Variants in ELF2 observed in about 807,000 individuals in gnomAD.
The protein encoded by ELF2 is ETS-related transcription factor Elf-2.
A neutral mutation model predicts 54.8 loss-of-function variants in ELF2; 11 were observed. That is an observed-to-expected ratio of 0.20 (90% confidence interval 0.13 to 0.33). The LOEUF (loss-of-function observed/expected upper bound fraction) is 0.33. ELF2 is among the 10% of genes least tolerant of loss of function. ELF2 has a pLI of 1.00. For missense variants in ELF2, 513 were observed against 703.0 expected (o/e 0.73, Z 3.06); for synonymous variants, 203 against 245.1 (o/e 0.83, Z 1.61).
chr4:139,146,351 A>G (rs1374319326), intron 1 of ELF2, among the ~76,000 whole-genome samples: 1 of 152,232 alleles, frequency 6.6e-6, no homozygotes, highest in East Asian at 1.9e-4. Flanking sequence ...GAAGAACTAC[A>G]AACACTGATG....
At chr4:139,060,720 C>CA in intron 8 of ELF2, 46 bp from the exon 9 acceptor site, 1 of 1,458,010 alleles carries the variant, frequency 6.9e-7, no homozygotes, top group Non-Finnish European at 9.3e-7. Context: ...ATTATTTCTT[C>CA]ACCCCACTCC....
chr4:139,136,140 AT>A (rs1738128773), intron 3 of ELF2, among the ~76,000 whole-genome samples: 1 of 152,144 alleles, frequency 6.6e-6, no homozygotes, highest in Admixed American at 6.6e-5. Context: ...CAGTTCCCCA[AT>A]CCCTAATGTC....
At chr4:139,114,561 T>TCCAGTCTCA (rs70940492) in intron 4 of ELF2, among the ~76,000 whole-genome samples, 1,316 of 108,620 alleles carry the variant, frequency 0.012, 15 homozygotes, top group African/African-American at 0.017. Context: ...GACTTCAGTC[T>TCCAGTCTCA]CACACACACA....
intron 3 of ELF2, among the ~76,000 whole-genome samples, chr4:139,126,651 T>C (rs1736952579): frequency 6.6e-6 from 1 of 152,304 alleles, no homozygotes; most frequent in Non-Finnish European, 1.5e-5. Flanking sequence ...AGAAGGAAGA[T>C]GACAGTTGAG....
intron 1 of ELF2, among the ~76,000 whole-genome samples, chr4:139,156,579 C>CATACATG (rs942796073): frequency 6.6e-6 from 1 of 152,028 alleles, no homozygotes; most frequent in African/African-American, 2.4e-5. Context: ...ATCCAATTAA[C>CATACATG]ATACATGTTC....
intron 7 of ELF2, 180 bp downstream of exon 7, chr4:139,067,504 G>A (rs1560760678): frequency 3.5e-6 from 2 of 576,392 alleles, no homozygotes; most frequent in Non-Finnish European, 3.0e-6. Flanking sequence ...TGTAGGAACT[G>A]GGCACAGATA....
At chr4:139,115,398 C>T (rs1245103738) in intron 4 of ELF2, 32 of 1,004,966 alleles carry the variant, frequency 3.2e-5, no homozygotes, top group Non-Finnish European at 3.6e-5. Flanking sequence ...GCCACGTGCG[C>T]GCATCGGGCC....
At chr4:139,094,530 C>G (rs975382930) in intron 4 of ELF2, among the ~76,000 whole-genome samples, 2 of 152,034 alleles carry the variant, frequency 1.3e-5, no homozygotes, top group Admixed American at 1.3e-4. Flanking sequence ...GTTTGAGCAA[C>G]AAATAAGATA....
chr4:139,059,606 T>A lies in ELF2; in HGVS notation c.1159A>T (p.Thr387Ser), dbSNP rs1215272080. 6.2e-7 allele frequency: 1 copy of A among 1,605,122 alleles called. No individual in the cohort carries two copies. ...GGTACCTGCATTGCCACACGAACTGTCCTAGTACATTAGAAAGAAAAAAGC... is the reference window on the plus strand; with the variant it reads ...GGTACCTGCATTGCCACACGAACTGACCTAGTACATTAGAAAGAAAAAAGC... ...ASVSATAAPRTVRVAMQVPVV... is the reference protein window; with the variant it reads ...ASVSATAAPRSVRVAMQVPVV... The change falls in exon 10 of 10, where the codon ACA (threonine) becomes TCA (serine). Residue 387 changes from threonine to serine, a missense_variant and splice_region_variant. By Grantham distance (58) the Thr-to-Ser change is moderately conservative. Coordinates refer to ENST00000686138, the MANE Select transcript of ELF2 (RefSeq NM_001331036.3).
intron 4 of ELF2, among the ~76,000 whole-genome samples, chr4:139,110,149 T>C (rs1734820659): frequency 6.6e-6 from 1 of 152,224 alleles, no homozygotes; most frequent in African/African-American, 2.4e-5. Flanking sequence ...GCTATGTCTG[T>C]GCTATTGGTG....
chr4:139,111,189 T>C (rs1026147510), intron 4 of ELF2, among the ~76,000 whole-genome samples: 1 of 152,144 alleles, frequency 6.6e-6, no homozygotes, highest in African/African-American at 2.4e-5. Context: ...TAGAACACTG[T>C]CGATGATGCC....
intron 1 of ELF2, among the ~76,000 whole-genome samples, chr4:139,164,259 A>G (rs532740887): frequency 3.3e-5 from 5 of 149,346 alleles, no homozygotes; most frequent in South Asian, 4.4e-4. Flanking sequence ...GAAAAGAAGG[A>G]AGGGAGGGAG....
At chr4:139,150,631 T>C (rs1336517011) in intron 1 of ELF2, among the ~76,000 whole-genome samples, 2 of 151,722 alleles carry the variant, frequency 1.3e-5, no homozygotes, top group East Asian at 3.9e-4. Context: ...ATGGTGTAGA[T>C]ATACTCAAAT....
At chr4:139,080,539 C>T (rs1730961818) in intron 4 of ELF2, among the ~76,000 whole-genome samples, 1 of 151,868 alleles carries the variant, frequency 6.6e-6, no homozygotes, top group Non-Finnish European at 1.5e-5. Flanking sequence ...AAAATTTCAC[C>T]TTCATTTAAT....
intron 4 of ELF2, chr4:139,101,886 G>T (rs978508886): frequency 6.6e-6 from 1 of 151,410 alleles, no homozygotes; most frequent in South Asian, 2.1e-4. Context: ...AAAAACAAAT[G>T]TAATTCTGCC....
In ELF2 at chr4:139,135,237, ATGTGTG is replaced by A. The variant is rs61122327; in HGVS notation, c.72+2387_72+2392del. Among the ~76,000 whole-genome samples the A allele has an allele frequency of 3.8e-3, 423 of 112,468 alleles. 1 individual carries two copies. Among genetic ancestry groups the A allele is most frequent in the African/African-American group, 6.3e-3 (208 of 33,216 alleles). 73.8% of individuals were successfully genotyped at this position (112,468 alleles called of 152,430 possible). A position where few individuals can be genotyped will look rare whatever the true frequency, so the allele number is the denominator to read the frequency against. On this transcript the variant is annotated intron_variant, in intron 3 of 9. Transcript: ENST00000686138. ...CTATTATACATATACTACTATATAT[ATGTGTG>A]TGTGTGTGTGTGTGTGTGTGTGTGT...
chr4:139,127,263 G>A (rs1737015430), intron 3 of ELF2, among the ~76,000 whole-genome samples: 1 of 152,176 alleles, frequency 6.6e-6, no homozygotes, highest in Admixed American at 6.5e-5. Flanking sequence ...CGTTCTTCAT[G>A]TGACCATATA....
intron 3 of ELF2, among the ~76,000 whole-genome samples, chr4:139,134,564 G>T (rs1449664743): frequency 6.8e-6 from 1 of 146,382 alleles, no homozygotes; most frequent in Non-Finnish European, 1.5e-5. Flanking sequence ...TTTATTTTAT[G>T]TTATTTTATT....
chr4:139,084,672 T>TC (rs1438101179), intron 4 of ELF2, among the ~76,000 whole-genome samples: 1 of 151,856 alleles, frequency 6.6e-6, no homozygotes, highest in East Asian at 1.9e-4. Flanking sequence ...TCTGCAATTG[T>TC]CCCCCCTCTG....
Sources: allele counts gnomAD v4.1 joint callset (sites outside exome capture counted in the v4.1 genomes callset), GRCh38; gene constraint gnomAD v4.1.1; transcripts MANE v1.5; gene names NCBI Gene and HGNC (gene_info 2026-07-23, HGNC 2026-07-21).